Variants in KIF13A observed in about 807,000 individuals in gnomAD.
The protein encoded by KIF13A is kinesin family member 13A, also known as kinesin-like protein KIF13A.
In KIF13A, 79 loss-of-function variants were observed where a neutral mutation model predicts 212.2. That is an observed-to-expected ratio of 0.37 (90% CI 0.31 to 0.45). KIF13A has a LOEUF of 0.45. KIF13A is among the 20% of genes least tolerant of loss of function. The pLI is 1.00. For missense variants in KIF13A, 1,901 were observed against 2,209.0 expected (o/e 0.86, Z 2.79); for synonymous variants, 789 against 808.6 (o/e 0.98, Z 0.41).
At chr6:17,830,877 T>G (rs1367257159) in intron 13 of KIF13A, among the ~76,000 whole-genome samples, 2 of 152,124 alleles carry the variant, frequency 1.3e-5, no homozygotes, top group African/African-American at 2.4e-5. Context: ...TATGCCACTC[T>G]GAAGCCTGGA....
intron 2 of KIF13A, among the ~76,000 whole-genome samples, chr6:17,973,767 C>T (rs1780027559): frequency 6.6e-6 from 1 of 152,258 alleles, no homozygotes; most frequent in Non-Finnish European, 1.5e-5. Context: ...TCACAGTTCA[C>T]TGTGCCATGC....
rs188097630 is a variant in KIF13A at position 17,843,833 on chromosome 6, T to C, written c.830+5544A>G. Among the ~76,000 whole-genome samples, 668 of 152,028 alleles carry C rather than the reference T, an allele frequency of 4.4e-3. 6 individuals are homozygous for C. Among genetic ancestry groups the C allele is most frequent in the Middle Eastern group, 0.014 (4 of 294 alleles). On this transcript the variant is annotated intron_variant, in intron 9 of 38. Transcript: ENST00000259711. This position sits in a 1 kb window ranked among gnomAD's most constrained non-coding sequence, Gnocchi z 5.3. ...GCCGAGGGGGGCACATCACCTGAGG[T>C]CAGGAGTTTGAGACCAGCCTGGCCA... is the stretch of plus-strand genomic sequence containing the variant.
chr6:17,943,402 T>A (rs1416106475), intron 2 of KIF13A, among the ~76,000 whole-genome samples: 2 of 34,954 alleles, frequency 5.7e-5, no homozygotes, highest in African/African-American at 7.3e-4. Context: ...AAACACAGAT[T>A]TTTTTTTTTT....
chr6:17,841,379 T>C (rs1395507379), intron 9 of KIF13A, among the ~76,000 whole-genome samples: 1 of 152,198 alleles, frequency 6.6e-6, no homozygotes, highest in East Asian at 1.9e-4. Context: ...GCCCAAGTTA[T>C]ACCTACCACT....
At chr6:17,793,371 C>T (rs187569613) in intron 25 of KIF13A, among the ~76,000 whole-genome samples, 4 of 151,918 alleles carry the variant, frequency 2.6e-5, no homozygotes, top group Admixed American at 6.6e-5. Context: ...CATGAGCAAC[C>T]GCGCCTGGCC....
chr6:17,980,708 G>A (rs1488658526), intron 2 of KIF13A, among the ~76,000 whole-genome samples: 1 of 152,090 alleles, frequency 6.6e-6, no homozygotes, highest in Non-Finnish European at 1.5e-5. Context: ...ATTAACGCCA[G>A]GCAAAACAAA....
chr6:17,808,700 G>T, intron 18 of KIF13A, 68 bp downstream of exon 18: 1 of 1,470,718 alleles, frequency 6.8e-7, no homozygotes, highest in Non-Finnish European at 9.2e-7. Context: ...TGGGGTTTCA[G>T]TTTTAGATCC....
At position 17,946,109 on chromosome 6, in the gene KIF13A, C is replaced by T. The variant is rs534424220; in HGVS notation, c.146+40945G>A. 6.6e-5 allele frequency among the ~76,000 whole-genome samples: 10 copies of T among 152,234 alleles called. No individual in the cohort carries two copies. In the South Asian group the frequency reaches 8.3e-4, roughly 13 times the overall value. ...TAGAGAAGAACTTTTAAAAACATGA[C>T]ACATACAGCATTAACCCTTTAAAAA... On this transcript the variant is annotated intron_variant, in intron 2 of 38. Coordinates refer to ENST00000259711, the MANE Select transcript of KIF13A (RefSeq NM_022113.6).
intron 2 of KIF13A, among the ~76,000 whole-genome samples, chr6:17,946,241 G>C (rs982371086): frequency 6.6e-6 from 1 of 152,068 alleles, no homozygotes; most frequent in African/African-American, 2.4e-5. Flanking sequence ...ACAGGTATGA[G>C]CCACCACATT....
intron 3 of KIF13A, among the ~76,000 whole-genome samples, chr6:17,882,509 C>T (rs570620423): frequency 1.3e-5 from 2 of 152,098 alleles, no homozygotes; most frequent in African/African-American, 2.4e-5. Context: ...GAGCCAAAAC[C>T]TACCCCCTTT....
chr6:17,864,484 T>C (rs1271652886), intron 4 of KIF13A, among the ~76,000 whole-genome samples: 4 of 152,008 alleles, frequency 2.6e-5, no homozygotes, highest in East Asian at 1.9e-4. Flanking sequence ...TCACATACGA[T>C]ATGAATCTTT....
chr6:17,924,210 G>A (rs1221022989), intron 2 of KIF13A, among the ~76,000 whole-genome samples: 6 of 152,108 alleles, frequency 3.9e-5, no homozygotes, highest in South Asian at 2.1e-4. Context: ...ATTTGTTCAC[G>A]TGCTCAAAAA....
chr6:17,928,050 G>A (rs1443490986), intron 2 of KIF13A, among the ~76,000 whole-genome samples: 2 of 152,216 alleles, frequency 1.3e-5, no homozygotes, highest in Admixed American at 6.5e-5. Flanking sequence ...CACAGGCTGC[G>A]AGAAAATGCA....
At chr6:17,939,410 C>T (rs1030385687) in intron 2 of KIF13A, among the ~76,000 whole-genome samples, 2 of 152,134 alleles carry the variant, frequency 1.3e-5, no homozygotes, top group African/African-American at 4.8e-5. Flanking sequence ...TATTTTTCTT[C>T]AACAGTCTTG....
At chr6:17,950,652 G>C in intron 2 of KIF13A, 3 of 985,156 alleles carry the variant, frequency 3.0e-6, no homozygotes, top group Non-Finnish European at 2.4e-6. Context: ...CTCTCAATCT[G>C]AGGAATTCAA....
intron 3 of KIF13A, among the ~76,000 whole-genome samples, chr6:17,887,587 G>T (rs946960280): frequency 1.3e-5 from 2 of 152,118 alleles, no homozygotes; most frequent in Non-Finnish European, 2.9e-5. Context: ...CATTCTCCCA[G>T]TTTTTTAAAA....
rs1009992344 is a variant in KIF13A at position 17,772,655 on chromosome 6, C to T, written c.4325-596G>A. Among the ~76,000 whole-genome samples, 7 of 152,256 alleles carry T rather than the reference C, an allele frequency of 4.6e-5. No individual in the cohort carries two copies. Among genetic ancestry groups the T allele is most frequent in the Non-Finnish European group, 8.8e-5 (6 of 68,042 alleles). ...CTGATTTTCCATTCCTCTGAATTCTCACAGCCCTTATTATCTGCATGTTCA... is the reference window on the plus strand; with the variant it reads ...CTGATTTTCCATTCCTCTGAATTCTTACAGCCCTTATTATCTGCATGTTCA... On this transcript the variant is annotated intron_variant, in intron 36 of 38. Coordinates refer to ENST00000259711, the MANE Select transcript of KIF13A (RefSeq NM_022113.6). This position sits in a 1 kb window ranked among gnomAD's most constrained non-coding sequence, Gnocchi z 4.8.
intron 23 of KIF13A, among the ~76,000 whole-genome samples, chr6:17,796,378 G>T (rs1340562274): frequency 6.6e-6 from 1 of 150,574 alleles, no homozygotes; most frequent in Non-Finnish European, 1.5e-5. Flanking sequence ...CTGAGTAGCT[G>T]GGATTACAGG....
intron 11 of KIF13A, 147 bp downstream of exon 11, chr6:17,836,731 G>A: frequency 2.7e-6 from 2 of 752,790 alleles, no homozygotes; most frequent in South Asian, 3.3e-5. Flanking sequence ...CTCCAACACT[G>A]GTGATTACAA....
Sources: allele counts gnomAD v4.1 joint callset (sites outside exome capture counted in the v4.1 genomes callset), GRCh38; gene constraint gnomAD v4.1.1; non-coding constraint Gnocchi (gnomAD v3.1); transcripts MANE v1.5; gene names NCBI Gene and HGNC (gene_info 2026-07-23, HGNC 2026-07-21).